The following ROCK1 variants were observed in gnomAD, a reference collection of about 807,000 sequenced individuals.
ROCK1 encodes rho-associated protein kinase 1.
ROCK1 carries 36 observed loss-of-function variants against 196.8 expected under a neutral mutation model. That is an observed-to-expected ratio of 0.18 (90% CI 0.14 to 0.24). The LOEUF (loss-of-function observed/expected upper bound fraction) is 0.24, where lower values mean the gene tolerates loss of function less well. Ranked by LOEUF, ROCK1 falls within the 10% of genes least tolerant of loss-of-function variation. The pLI, the probability that ROCK1 is intolerant of heterozygous loss-of-function variation, is 1.00. For missense variants in ROCK1, 920 were observed against 1,562.0 expected (o/e 0.59, Z 6.93); for synonymous variants, 443 against 515.9 (o/e 0.86, Z 1.91).
At chr18:21,088,014 G>T (rs1269257459) in intron 1 of ROCK1, among the ~76,000 whole-genome samples, 1 of 152,110 alleles carries the variant, frequency 6.6e-6, no homozygotes, top group Non-Finnish European at 1.5e-5. Flanking sequence ...AAAGATAGTA[G>T]GGAAATCTCC....
chr18:20,994,834 A>C (rs1425858891), intron 16 of ROCK1, among the ~76,000 whole-genome samples: 1 of 152,240 alleles, frequency 6.6e-6, no homozygotes, highest in Non-Finnish European at 1.5e-5. Context: ...GAAAGCAAAG[A>C]AGCTTTATAT....
intron 16 of ROCK1, among the ~76,000 whole-genome samples, chr18:20,998,597 C>CTTTTTTTT (rs541265477): frequency 2.1e-5 from 2 of 97,316 alleles, no homozygotes; most frequent in Non-Finnish European, 4.0e-5. Flanking sequence ...TTTTACCAAA[C>CTTTTTTTT]TTTTTTTTTT....
intron 1 of ROCK1, among the ~76,000 whole-genome samples, chr18:21,076,678 C>T (rs909484721): frequency 6.8e-6 from 1 of 147,738 alleles, no homozygotes; most frequent in Non-Finnish European, 1.5e-5. Context: ...TACATACACA[C>T]ACACACACAC....
intron 2 of ROCK1, among the ~76,000 whole-genome samples, chr18:21,053,369 T>C (rs898035513): frequency 1.3e-5 from 2 of 152,228 alleles, no homozygotes; most frequent in African/African-American, 4.8e-5. Flanking sequence ...TTTCTATTTT[T>C]TCTCACTGTT....
intron 1 of ROCK1, among the ~76,000 whole-genome samples, chr18:21,109,975 C>A (rs1453416086): frequency 6.6e-6 from 1 of 152,140 alleles, no homozygotes; most frequent in East Asian, 1.9e-4. Context: ...TATTATATAA[C>A]CCTTAGTTGT....
chr18:20,982,858 A>G (rs752244643), intron 20 of ROCK1, 26 bp from the exon 21 acceptor site: 1 of 1,107,892 alleles, frequency 9.0e-7, no homozygotes, highest in Non-Finnish European at 1.4e-6. Context: ...AAAACAAGTG[A>G]ACAAACGCTC....
At chr18:21,037,384 A>G (rs2036066763) in intron 9 of ROCK1, among the ~76,000 whole-genome samples, 1 of 152,230 alleles carries the variant, frequency 6.6e-6, no homozygotes, top group South Asian at 2.1e-4. Context: ...TGTATTAGAA[A>G]GCAATTTTGC....
chr18:21,084,266 C>CA (rs2036507345), intron 1 of ROCK1, among the ~76,000 whole-genome samples: 1 of 138,858 alleles, frequency 7.2e-6, no homozygotes, highest in African/African-American at 2.6e-5. Context: ...AAAAAAAAAA[C>CA]AAACTAAACC....
intron 29 of ROCK1, among the ~76,000 whole-genome samples, chr18:20,959,057 T>TATAA (rs1491573135): frequency 4.3e-5 from 2 of 46,920 alleles, no homozygotes; most frequent in Admixed American, 8.8e-4. Flanking sequence ...AATATATATA[T>TATAA]TATATTTTAT....
chr18:20,955,942 G>A (rs1243423527), intron 29 of ROCK1, among the ~76,000 whole-genome samples: 1 of 152,074 alleles, frequency 6.6e-6, no homozygotes, highest in Non-Finnish European at 1.5e-5. Context: ...GAGAGGTGGA[G>A]GAAGGAAGCT....
intron 22 of ROCK1, among the ~76,000 whole-genome samples, chr18:20,979,502 A>T (rs1160496788): frequency 6.6e-6 from 1 of 151,924 alleles, no homozygotes; most frequent in African/African-American, 2.4e-5. Context: ...CACGCCTGTA[A>T]TCCCAGCTAC....
chr18:21,017,474 G>T (rs2035873798), intron 12 of ROCK1, among the ~76,000 whole-genome samples: 1 of 151,780 alleles, frequency 6.6e-6, no homozygotes, highest in Non-Finnish European at 1.5e-5. Context: ...ACAGGCATGA[G>T]CCACCGCACC....
chr18:21,044,229 T>G, intron 5 of ROCK1, 43 bp from the exon 6 acceptor site: 2 of 1,422,568 alleles, frequency 1.4e-6, no homozygotes, highest in Non-Finnish European at 2.0e-6. Context: ...TGAAACAGAT[T>G]AGACACTGTA....
At chr18:20,951,767 G>C (rs955113470) in intron 32 of ROCK1, among the ~76,000 whole-genome samples, 1 of 152,098 alleles carries the variant, frequency 6.6e-6, no homozygotes, top group African/African-American at 2.4e-5. Flanking sequence ...CTGACAATAG[G>C]GCATGAACAA....
chr18:21,019,405 G>A (rs1033846644), intron 12 of ROCK1, among the ~76,000 whole-genome samples: 15 of 152,086 alleles, frequency 9.9e-5, no homozygotes, highest in African/African-American at 3.6e-4. Flanking sequence ...TCCACCATGT[G>A]CAGCCTAATT....
At chr18:21,011,959 T>C (rs979645055) in intron 13 of ROCK1, among the ~76,000 whole-genome samples, 3 of 152,194 alleles carry the variant, frequency 2.0e-5, no homozygotes, top group African/African-American at 7.2e-5. Context: ...CCTTTTTCTT[T>C]TGGAGACAGA....
At chr18:21,005,261 T>A (rs185880537) in intron 16 of ROCK1, among the ~76,000 whole-genome samples, 8 of 152,352 alleles carry the variant, frequency 5.3e-5, no homozygotes, top group Admixed American at 4.6e-4. Context: ...CCTCTTAGAT[T>A]CACAAAGACT....
At chr18:21,027,737 G>C (rs1490302443) in intron 10 of ROCK1, among the ~76,000 whole-genome samples, 3 of 148,660 alleles carry the variant, frequency 2.0e-5, no homozygotes, top group Non-Finnish European at 4.5e-5. Context: ...AAAATTTGGG[G>C]AGGAATCACT....
intron 4 of ROCK1, among the ~76,000 whole-genome samples, chr18:21,048,157 T>G (rs2143515428): frequency 6.6e-6 from 1 of 152,274 alleles, no homozygotes; most frequent in East Asian, 1.9e-4. Flanking sequence ...ACAAGGAAAT[T>G]GTGGCCCAGA....
Sources: allele counts gnomAD v4.1 joint callset (sites outside exome capture counted in the v4.1 genomes callset), GRCh38; gene constraint gnomAD v4.1.1; transcripts MANE v1.5; gene names NCBI Gene and HGNC (gene_info 2026-07-23, HGNC 2026-07-21).